PRIM2: variants seen among roughly 807,000 people sequenced by gnomAD.
PRIM2 encodes the protein DNA primase large subunit.
PRIM2 carries 39 observed loss-of-function variants against 67.3 expected under a neutral mutation model. That is an observed-to-expected ratio of 0.58 (90% CI 0.45 to 0.76). The LOEUF (loss-of-function observed/expected upper bound fraction) is 0.76, where lower values mean the gene tolerates loss of function less well. PRIM2 is among the 30% of genes least tolerant of loss of function. The pLI is 0.00. For synonymous variants in PRIM2, 143 were observed against 198.7 expected, an observed-to-expected ratio of 0.72 and a Z score of 2.36; for missense variants, 398 against 598.7, an observed-to-expected ratio of 0.66 and a Z score of 3.50.
Position 57,385,225 on chromosome 6 carries a change from A to G in PRIM2, c.693+3057A>G, listed in dbSNP as rs1322055916. ...TAATAAATTCATTTCAGCCAACTGC[A>G]CCTAAGCTTTCTACCTTGTTGTTAA... On this transcript the variant is annotated intron_variant, in intron 7 of 13. Coordinates refer to ENST00000615550, the MANE Select transcript of PRIM2 (RefSeq NM_000947.5). Among the ~76,000 whole-genome samples, 5 of 152,160 alleles carry G rather than the reference A, an allele frequency of 3.3e-5. No homozygotes were observed. In the East Asian group the frequency reaches 9.6e-4, roughly 29 times the overall value.
chr6:57,578,416 T>C (rs1776001453), intron 10 of PRIM2, among the ~76,000 whole-genome samples: 2 of 152,170 alleles, frequency 1.3e-5, no homozygotes, highest in Admixed American at 1.3e-4. Context: ...CTCTAAAGGT[T>C]ATTTTCTATT....
the PRIM2 span, among the ~76,000 whole-genome samples, chr6:57,234,554 C>T: frequency 1.4e-3 from 218 of 152,172 alleles, 2 homozygotes; most frequent in African/African-American, 4.9e-3. Flanking sequence ...GATGGAGTCT[C>T]GCTTTGTTTC....
chr6:57,253,205 T>A, the PRIM2 span, among the ~76,000 whole-genome samples: 18 of 149,496 alleles, frequency 1.2e-4, no homozygotes, highest in Admixed American at 4.0e-4. Context: ...AAAAAAAAAA[T>A]AAACAGTAGT....
At chr6:57,526,384 T>G (rs1774753472) in intron 8 of PRIM2, among the ~76,000 whole-genome samples, 1 of 152,204 alleles carries the variant, frequency 6.6e-6, no homozygotes, top group Non-Finnish European at 1.5e-5. Flanking sequence ...CACATATTTA[T>G]GGATGAAAAA....
At chr6:57,312,443 AGTGG>A (rs1767407689), upstream of PRIM2, among the ~76,000 whole-genome samples, 1 of 152,154 alleles carries the variant, frequency 6.6e-6, no homozygotes, top group Non-Finnish European at 1.5e-5. Context: ...TGGAGGCTGC[AGTGG>A]GCAGTGATAG....
chr6:57,310,403 G>T (rs532766470), upstream of PRIM2, among the ~76,000 whole-genome samples: 133 of 152,352 alleles, frequency 8.7e-4, no homozygotes, highest in African/African-American at 2.9e-3. Flanking sequence ...CAAGGCAGAA[G>T]AATTTTTCTT....
chr6:57,278,780 G>A, the PRIM2 span, among the ~76,000 whole-genome samples: 10 of 152,192 alleles, frequency 6.6e-5, no homozygotes, highest in Admixed American at 2.0e-4. Context: ...GAGGGAAAGC[G>A]TGTCCAGCAG....
intron 7 of PRIM2, among the ~76,000 whole-genome samples, chr6:57,465,591 A>T (rs911077294): frequency 7.2e-5 from 11 of 152,166 alleles, no homozygotes; most frequent in Non-Finnish European, 1.3e-4. Flanking sequence ...CCCAGCTTTT[A>T]TCTCAGCTCT....
At chr6:57,387,511 T>G (rs1023165669) in intron 7 of PRIM2, among the ~76,000 whole-genome samples, 6 of 152,088 alleles carry the variant, frequency 3.9e-5, no homozygotes, top group African/African-American at 1.4e-4. Context: ...GTTTTCTGAT[T>G]GTAATTCTTA....
intron 5 of PRIM2, among the ~76,000 whole-genome samples, chr6:57,338,796 A>G (rs1278883485): frequency 1.4e-5 from 2 of 139,136 alleles, no homozygotes; most frequent in Non-Finnish European, 3.1e-5. Context: ...AACTGGCACA[A>G]GACAGGGATG....
At chr6:57,425,935 G>A (rs1771609623) in intron 7 of PRIM2, among the ~76,000 whole-genome samples, 1 of 152,122 alleles carries the variant, frequency 6.6e-6, no homozygotes, top group African/African-American at 2.4e-5. Flanking sequence ...AAGAGACCCT[G>A]AACGTAGACT....
chr6:57,392,390 C>A (rs1018293371), intron 7 of PRIM2, among the ~76,000 whole-genome samples: 7 of 152,026 alleles, frequency 4.6e-5, no homozygotes, highest in Non-Finnish European at 7.4e-5. Context: ...TTAATAATAG[C>A]TGAATAGTGA....
At chr6:57,566,766 C>A (rs1360915739) in intron 10 of PRIM2, among the ~76,000 whole-genome samples, 3 of 152,144 alleles carry the variant, frequency 2.0e-5, no homozygotes, top group African/African-American at 7.2e-5. Flanking sequence ...TTATTTTCTG[C>A]ATAAATTCAG....
chr6:57,249,841 A>G, the PRIM2 span, among the ~76,000 whole-genome samples: 4 of 152,234 alleles, frequency 2.6e-5, no homozygotes, highest in Non-Finnish European at 5.9e-5. Context: ...CACTGAGTTT[A>G]AGGACCTAGA....
chr6:57,517,600 A>G (rs1410017607), intron 8 of PRIM2, among the ~76,000 whole-genome samples: 2 of 152,212 alleles, frequency 1.3e-5, no homozygotes, highest in African/African-American at 2.4e-5. Flanking sequence ...TTGATAGTGT[A>G]GTTCCATATT....
chr6:57,430,174 C>T (rs1182588158), intron 7 of PRIM2, among the ~76,000 whole-genome samples: 1 of 151,988 alleles, frequency 6.6e-6, no homozygotes, highest in Non-Finnish European at 1.5e-5. Flanking sequence ...TGGGGTCTGT[C>T]CTTGGGGTTA....
chr6:57,307,461 T>C, the PRIM2 span, among the ~76,000 whole-genome samples: 4,426 of 151,928 alleles, frequency 0.029, 197 homozygotes, highest in African/African-American at 0.1. Flanking sequence ...CACCGTGGTC[T>C]CGATCTGACC....
At chr6:57,365,291 T>C (rs917540765) in intron 5 of PRIM2, among the ~76,000 whole-genome samples, 1 of 150,954 alleles carries the variant, frequency 6.6e-6, no homozygotes, top group South Asian at 2.1e-4. Flanking sequence ...AACTTCTTGG[T>C]ATTTCCTTTC....
chr6:57,474,147 A>C (rs1240680399), intron 7 of PRIM2, among the ~76,000 whole-genome samples: 1 of 117,410 alleles, frequency 8.5e-6, no homozygotes, highest in Non-Finnish European at 1.9e-5. Flanking sequence ...TGTGTTTGCT[A>C]TCTACTTTTT....
Sources: gnomAD v4.1 joint callset for allele counts (sites outside exome capture counted in the v4.1 genomes callset) on GRCh38, gnomAD v4.1.1 for gene constraint, MANE v1.5 for transcripts, NCBI Gene and HGNC (gene_info 2026-07-23, HGNC 2026-07-21) for gene names.